The following RARB variants were observed in gnomAD, a reference collection of about 807,000 sequenced individuals.
The protein encoded by RARB is HBV-activated protein.
RARB carries 17 observed loss-of-function variants against 51.9 expected under a neutral mutation model. The ratio of observed to expected loss-of-function variants is 0.33; its 90% CI spans 0.22 to 0.49. RARB has a LOEUF of 0.49. Ranked by LOEUF, RARB falls within the 20% of genes least tolerant of loss-of-function variation. The probability of loss-of-function intolerance (pLI) is 0.99; values close to 1 mark genes in which losing one functional copy is unlikely to be tolerated. For synonymous variants in RARB, 215 were observed against 195.4 expected, an observed-to-expected ratio of 1.10 and a Z score of -0.84; for missense variants, 369 against 550.8, an observed-to-expected ratio of 0.67 and a Z score of 3.30.
chr3:25,046,502 G>A (rs1698218786), intron 2 of RARB, among the ~76,000 whole-genome samples: 1 of 152,094 alleles, frequency 6.6e-6, no homozygotes, highest in South Asian at 2.1e-4. Flanking sequence ...CACCCAGGCT[G>A]GAGAGCAGTG....
intron 3 of RARB, among the ~76,000 whole-genome samples, chr3:25,094,113 C>G (rs1434697937): frequency 6.6e-6 from 1 of 152,108 alleles, no homozygotes; most frequent in Non-Finnish European, 1.5e-5. Flanking sequence ...ATTCTGCTGC[C>G]TTAAGAACTA....
intron 1 of RARB, among the ~76,000 whole-genome samples, chr3:24,856,840 A>G (rs1476562145): frequency 6.6e-6 from 1 of 152,178 alleles, no homozygotes; most frequent in East Asian, 1.9e-4. Flanking sequence ...TGTATCTCGA[A>G]AAAGCAATTG....
At chr3:24,869,036 C>G (rs1345598555) in intron 2 of RARB, among the ~76,000 whole-genome samples, 1 of 152,120 alleles carries the variant, frequency 6.6e-6, no homozygotes, top group Non-Finnish European at 1.5e-5. Flanking sequence ...CAGAATAAAT[C>G]TCTTCAAATA....
chr3:24,859,036 CAAA>C (rs1169235713), intron 2 of RARB, among the ~76,000 whole-genome samples: 1,027 of 50,144 alleles, frequency 0.02, 10 homozygotes, highest in African/African-American at 0.062. Flanking sequence ...GACTCTGTCT[CAAA>C]AAAAAAAAAA....
intron 1 of RARB, among the ~76,000 whole-genome samples, chr3:25,436,290 C>T (rs771240836): frequency 1.3e-5 from 2 of 152,070 alleles, no homozygotes; most frequent in East Asian, 1.9e-4. Flanking sequence ...ATGATTCATC[C>T]GTTTTGGTGT....
chr3:25,125,210 G>A (rs544052986), intron 3 of RARB, among the ~76,000 whole-genome samples: 5 of 152,308 alleles, frequency 3.3e-5, no homozygotes, highest in South Asian at 2.1e-4. Context: ...AGAGAAAGAC[G>A]AAGTTTAATC....
intron 1 of RARB, among the ~76,000 whole-genome samples, chr3:25,439,715 G>C (rs1266506510): frequency 6.6e-6 from 1 of 152,170 alleles, no homozygotes; most frequent in Admixed American, 6.5e-5. Flanking sequence ...GTCTTAAATG[G>C]AATGTATTCT....
At chr3:25,319,005 T>G (rs1255495706) in intron 5 of RARB, among the ~76,000 whole-genome samples, 1 of 152,190 alleles carries the variant, frequency 6.6e-6, no homozygotes, top group African/African-American at 2.4e-5. Flanking sequence ...ATAATTAGAT[T>G]TAAGAAGACG....
chr3:24,979,423 G>A (rs920915353), intron 2 of RARB, among the ~76,000 whole-genome samples: 1 of 152,124 alleles, frequency 6.6e-6, no homozygotes, highest in Non-Finnish European at 1.5e-5. Flanking sequence ...GGATGCTCTT[G>A]TATTACATGC....
At chr3:25,298,316 G>A (rs1480927301) in intron 5 of RARB, among the ~76,000 whole-genome samples, 1 of 151,910 alleles carries the variant, frequency 6.6e-6, no homozygotes, top group Admixed American at 6.6e-5. Context: ...CTAAGTAGCT[G>A]GGGTTACAGC....
At chr3:24,897,339 A>G (rs1703497965) in intron 2 of RARB, among the ~76,000 whole-genome samples, 1 of 151,210 alleles carries the variant, frequency 6.6e-6, no homozygotes, top group Non-Finnish European at 1.5e-5. Context: ...AGGGCTATTA[A>G]TTTTGGACAG....
intron 2 of RARB, among the ~76,000 whole-genome samples, chr3:24,918,698 C>G (rs190001855): frequency 2.0e-5 from 3 of 152,100 alleles, no homozygotes; most frequent in Non-Finnish European, 4.4e-5. Flanking sequence ...TCCTGGCCAA[C>G]AGGCCAACAT....
At chr3:25,144,555 A>C (rs1469742944) in intron 4 of RARB, among the ~76,000 whole-genome samples, 1 of 152,218 alleles carries the variant, frequency 6.6e-6, no homozygotes, top group African/African-American at 2.4e-5. Context: ...AGCAAGGCCA[A>C]AAAAGGAAAA....
At chr3:25,386,459 T>C (rs1706797120) in intron 5 of RARB, among the ~76,000 whole-genome samples, 1 of 152,182 alleles carries the variant, frequency 6.6e-6, no homozygotes, top group South Asian at 2.1e-4. Context: ...AGTAGCTTTT[T>C]AGAAAGGTTT....
chr3:25,208,991 A>G (rs902036374), intron 5 of RARB, among the ~76,000 whole-genome samples: 6 of 152,256 alleles, frequency 3.9e-5, no homozygotes, highest in Admixed American at 3.9e-4. Flanking sequence ...GTTTGCAAAC[A>G]AACATGAAGC....
chr3:25,593,771 G>A, intron 6 of RARB, 64 bp downstream of exon 6: 1 of 1,494,228 alleles, frequency 6.7e-7, no homozygotes, highest in South Asian at 1.2e-5. Context: ...TGTAATTTGT[G>A]AAAAATTCCT....
intron 2 of RARB, among the ~76,000 whole-genome samples, chr3:24,981,825 G>T (rs982455124): frequency 3.3e-5 from 5 of 152,160 alleles, no homozygotes; most frequent in Non-Finnish European, 7.3e-5. Flanking sequence ...AGACAAACCA[G>T]GTACCTCAGT....
intron 5 of RARB, among the ~76,000 whole-genome samples, chr3:25,309,242 G>A (rs1341654818): frequency 2.1e-5 from 3 of 141,056 alleles, no homozygotes; most frequent in African/African-American, 5.3e-5. Flanking sequence ...CCAGGTTCAC[G>A]CCATTCTCCT....
intron 4 of RARB, among the ~76,000 whole-genome samples, chr3:25,146,489 T>C (rs551706896): frequency 4.7e-4 from 69 of 148,218 alleles, no homozygotes; most frequent in Middle Eastern, 6.9e-3. Flanking sequence ...TATAATTTGC[T>C]AAGTTTTTTG....
Sources: gnomAD v4.1 joint callset for allele counts (sites outside exome capture counted in the v4.1 genomes callset) on GRCh38, gnomAD v4.1.1 for gene constraint, MANE v1.5 for transcripts, NCBI Gene and HGNC (gene_info 2026-07-23, HGNC 2026-07-21) for gene names.